PPP1R9A: variants seen among roughly 807,000 people sequenced by gnomAD.
PPP1R9A encodes the protein neurabin-1.
Under a neutral mutation model 141.9 loss-of-function variants are expected in PPP1R9A, and 59 were observed. The observed-to-expected ratio is 0.42, with a 90% CI of 0.34 to 0.52. PPP1R9A has a LOEUF of 0.52. Ranked by LOEUF, PPP1R9A falls within the 20% of genes least tolerant of loss-of-function variation. The pLI is 0.10. For synonymous variants in PPP1R9A, 500 were observed against 569.7 expected (o/e 0.88, Z 1.74); for missense variants, 1,444 against 1,611.9 (o/e 0.90, Z 1.78).
chr7:95,239,136 A>T (rs560536588), intron 8 of PPP1R9A, among the ~76,000 whole-genome samples: 1 of 152,202 alleles, frequency 6.6e-6, no homozygotes, highest in South Asian at 2.1e-4. Flanking sequence ...GACCTTCTGG[A>T]TCCATATTCA....
intron 8 of PPP1R9A, among the ~76,000 whole-genome samples, chr7:95,230,108 A>G (rs1308785556): frequency 6.6e-6 from 1 of 152,192 alleles, no homozygotes; most frequent in African/African-American, 2.4e-5. Flanking sequence ...TTCCTAGGGT[A>G]AGGGAGAGAA....
chr7:94,987,965 G>T (rs1215398293), intron 2 of PPP1R9A, among the ~76,000 whole-genome samples: 2 of 151,916 alleles, frequency 1.3e-5, no homozygotes, highest in African/African-American at 4.8e-5. Context: ...TAACTTAAAG[G>T]TGATAAAACA....
intron 2 of PPP1R9A, among the ~76,000 whole-genome samples, chr7:95,086,004 G>GT (rs975478491): frequency 5.3e-5 from 8 of 150,956 alleles, no homozygotes; most frequent in South Asian, 2.1e-4. Flanking sequence ...AATTTAATGT[G>GT]TTTTTTTTCT....
intron 5 of PPP1R9A, among the ~76,000 whole-genome samples, chr7:95,181,702 TATATATATATTCC>T (rs1833861819): frequency 7.7e-6 from 1 of 129,612 alleles, no homozygotes; most frequent in Non-Finnish European, 1.6e-5. Context: ...ATATATAGAA[TATATATATATTCC>T]GTCACATATA....
intron 5 of PPP1R9A, chr7:95,174,809 A>G (rs1832660677): frequency 6.6e-6 from 1 of 152,172 alleles, no homozygotes; most frequent in Non-Finnish European, 1.5e-5. Context: ...ATAATTTTTG[A>G]AAACTCATGT....
At chr7:95,188,920 C>T (rs1421211089) in intron 5 of PPP1R9A, among the ~76,000 whole-genome samples, 7 of 152,076 alleles carry the variant, frequency 4.6e-5, no homozygotes, top group Middle Eastern at 3.4e-3. Flanking sequence ...ATTTATGCTT[C>T]AAGGAGGTTC....
intron 2 of PPP1R9A, among the ~76,000 whole-genome samples, chr7:95,020,029 TG>T (rs1805685494): frequency 7.0e-6 from 1 of 142,838 alleles, no homozygotes; most frequent in African/African-American, 2.6e-5. Flanking sequence ...AAGGAACAAA[TG>T]GCTATATCAT....
intron 18 of PPP1R9A, chr7:95,287,237 T>A: frequency 7.2e-7 from 1 of 1,395,030 alleles, no homozygotes; most frequent in South Asian, 1.2e-5. Context: ...CAAGAATATC[T>A]TCCTCTGTAG....
chr7:95,166,444 C>T (rs1585041733), intron 5 of PPP1R9A, among the ~76,000 whole-genome samples: 1 of 152,038 alleles, frequency 6.6e-6, no homozygotes, highest in East Asian at 1.9e-4. Context: ...ATATATGTAG[C>T]CTACCAAGAT....
Position 95,291,868 on chromosome 7 carries a change from A to G in PPP1R9A, c.*1565A>G, listed in dbSNP as rs1806406226. ...GAGCCTCGGCAAGGCTTTTGAGTGT[A>G]ACAGATTAAGGGAACTCCCTTGTAG... On this transcript the variant is annotated 3_prime_UTR_variant, in exon 20 of 20. Coordinates refer to ENST00000433360, the MANE Select transcript of PPP1R9A (RefSeq NM_001166160.2). 1 of 152,162 alleles carries G rather than the reference A, an allele frequency of 6.6e-6. No homozygotes were observed. The highest frequency in any genetic ancestry group is 1.5e-5 in the Non-Finnish European group (1 of 68,026). 9.4% of individuals were successfully genotyped at this position (152,162 alleles called of 1,614,324 possible).
chr7:95,162,470 A>AT lies in PPP1R9A; in HGVS notation c.1754+507dup, dbSNP rs900489649. On this transcript the variant is annotated intron_variant, in intron 5 of 19. Transcript: ENST00000433360. ...TTCCAACTTAATGCACTTAGGGTGC[A>AT]TTTTTTTTGGACCTTGAAATTTATA... Among the ~76,000 whole-genome samples, 372 of 152,008 alleles carry AT rather than the reference A, an allele frequency of 2.4e-3. 2 individuals are homozygous for AT. Among genetic ancestry groups the AT allele is most frequent in the African/African-American group, 8.5e-3 (352 of 41,528 alleles).
intron 2 of PPP1R9A, among the ~76,000 whole-genome samples, chr7:95,087,627 T>C (rs745468228): frequency 1.3e-5 from 2 of 152,054 alleles, no homozygotes; most frequent in African/African-American, 2.4e-5. Flanking sequence ...CGGGTGCCGC[T>C]GGCTCACGCC....
intron 2 of PPP1R9A, among the ~76,000 whole-genome samples, chr7:95,073,218 G>A (rs143492924): frequency 0.043 from 6,511 of 151,448 alleles, 221 homozygotes; most frequent in Non-Finnish European, 0.068. Context: ...ACTCCTGACC[G>A]CAGGTGATCC....
rs915003585 is a variant in PPP1R9A, at chr7:95,083,199, A to T, written c.1396-28060A>T. On this transcript the variant is annotated intron_variant, in intron 2 of 19. Transcript: ENST00000433360. Reference sequence around the variant, plus strand: ...GAATGAAGACCCAGAGAAACAGGTAAATCTGTGTATTTTTATGGACAGTCA... The same window carrying T: ...GAATGAAGACCCAGAGAAACAGGTATATCTGTGTATTTTTATGGACAGTCA... 4.6e-5 allele frequency among the ~76,000 whole-genome samples: 7 copies of T among 151,964 alleles called. 1 individual carries two copies. The highest frequency in any genetic ancestry group is 1.7e-4 in the African/African-American group (7 of 41,250).
At chr7:95,163,028 A>G (rs1285636534) in intron 5 of PPP1R9A, among the ~76,000 whole-genome samples, 1 of 152,220 alleles carries the variant, frequency 6.6e-6, no homozygotes. Context: ...CCCATTCAGT[A>G]AATGTGATTG....
intron 2 of PPP1R9A, among the ~76,000 whole-genome samples, chr7:95,081,028 T>C (rs868222574): frequency 1.3e-5 from 2 of 152,116 alleles, no homozygotes; most frequent in Non-Finnish European, 2.9e-5. Flanking sequence ...GAGAAAAAGC[T>C]CAAAGACAAA....
intron 2 of PPP1R9A, among the ~76,000 whole-genome samples, chr7:94,912,466 G>A (rs1791573493): frequency 1.3e-5 from 2 of 152,100 alleles, no homozygotes; most frequent in African/African-American, 2.4e-5. Context: ...GGCAGAATGT[G>A]TAGTTTTAGA....
intron 2 of PPP1R9A, among the ~76,000 whole-genome samples, chr7:95,069,701 G>T (rs1219290996): frequency 6.6e-6 from 1 of 152,084 alleles, no homozygotes; most frequent in Non-Finnish European, 1.5e-5. Context: ...TGTTTTTCTT[G>T]TTAGGTGCCT....
intron 2 of PPP1R9A, among the ~76,000 whole-genome samples, chr7:94,942,601 G>A (rs1290771631): frequency 1.3e-5 from 2 of 151,950 alleles, no homozygotes; most frequent in Non-Finnish European, 2.9e-5. Context: ...TCAGGAGTTC[G>A]AGGCAAGCCT....
Sources: allele counts gnomAD v4.1 joint callset (sites outside exome capture counted in the v4.1 genomes callset), GRCh38; gene constraint gnomAD v4.1.1; transcripts MANE v1.5; gene names NCBI Gene and HGNC (gene_info 2026-07-23, HGNC 2026-07-21).